Variants in AANAT observed in about 807,000 individuals in gnomAD.
AANAT encodes serotonin N-acetyltransferase.
Under a neutral mutation model 15.6 loss-of-function variants are expected in AANAT, and 11 were observed. The ratio of observed to expected loss-of-function variants is 0.71; its 90% CI spans 0.44 to 1.17. The LOEUF (loss-of-function observed/expected upper bound fraction) is 1.17, where lower values mean the gene tolerates loss of function less well. Ranked by LOEUF, AANAT falls within the 50% of genes most tolerant of loss-of-function variation. The probability of loss-of-function intolerance (pLI) is 0.00; values close to 1 mark genes in which losing one functional copy is unlikely to be tolerated. For missense variants in AANAT, 286 were observed against 296.3 expected (o/e 0.97, Z 0.26); for synonymous variants, 139 against 131.5 (o/e 1.06, Z -0.39).
chr17:76,462,017 G>A (rs1386241294), intron 2 of AANAT, among the ~76,000 whole-genome samples: 1 of 152,150 alleles, frequency 6.6e-6, no homozygotes, highest in African/African-American at 2.4e-5. Context: ...TCCTTCCTTG[G>A]GGACAATGCC....
upstream of AANAT, among the ~76,000 whole-genome samples, chr17:76,462,665 C>T (rs901894825): frequency 1.3e-5 from 2 of 152,138 alleles, no homozygotes; most frequent in Admixed American, 6.5e-5. Flanking sequence ...TCTCATCCCC[C>T]GGGGAGCCTG....
Position 76,469,904 on chromosome 17 carries a change from C to T in AANAT, c.558C>T (p.Leu186=), listed in dbSNP as rs1598642371. 1 of 1,571,810 alleles carries T rather than the reference C, an allele frequency of 6.4e-7. No individual in the cohort carries two copies. Among genetic ancestry groups the T allele is most frequent in the African/African-American group, 1.3e-5 (1 of 74,200 alleles). ...VGPCAITVGS[L]TFMELHCSLR... ...CCTGCGCCATCACCGTGGGCTCCCT[C>T]ACCTTCATGGAGCTCCACTGCTCCC... Residue 186 remains leucine (L), a synonymous_variant, in exon 4 of 4, where the codon CTC becomes CTT. Coordinates refer to ENST00000392492, the MANE Select transcript of AANAT (RefSeq NM_001088.3). This position sits in a 1 kb window ranked among gnomAD's most constrained non-coding sequence, Gnocchi z 5.2.
Position 76,469,233 on chromosome 17 carries a change from C to T in AANAT, c.224C>T (p.Thr75Ile), listed in dbSNP as rs749859006. The change falls in exon 3 of 4, where the codon ACC becomes ATC. Residue 75 changes from threonine to isoleucine, a missense_variant. Physicochemically the swap from Thr to Ile is moderately conservative, Grantham distance 89 (BLOSUM62 -1). Coordinates refer to ENST00000392492, the MANE Select transcript of AANAT (RefSeq NM_001088.3). The surrounding 1 kb of genome is among the most constrained non-coding windows in gnomAD (Gnocchi z 5.2). Reference protein sequence around the residue: ...LYLDEIRHFLTLCPELSLGWF... With the variant: ...LYLDEIRHFLILCPELSLGWF... Reference sequence around the variant, plus strand: ...CTGGATGAGATCCGGCACTTCCTGACCCTATGTCCAGAGCTGTCCCTGGGC... The same window carrying T: ...CTGGATGAGATCCGGCACTTCCTGATCCTATGTCCAGAGCTGTCCCTGGGC... The T allele has an allele frequency of 3.1e-6, 5 of 1,614,092 alleles. No homozygotes were observed. The highest frequency in any genetic ancestry group is 8.5e-7 in the Non-Finnish European group (1 of 1,180,048).
chr17:76,457,830 A>G (rs1352092128), intron 1 of AANAT, among the ~76,000 whole-genome samples: 5 of 152,228 alleles, frequency 3.3e-5, no homozygotes, highest in Non-Finnish European at 5.9e-5. Flanking sequence ...ACCTGAGGTC[A>G]GGAGCTTGAG....
intron 2 of AANAT, among the ~76,000 whole-genome samples, chr17:76,459,965 G>T (rs541310860): frequency 2.0e-5 from 3 of 152,004 alleles, no homozygotes; most frequent in Non-Finnish European, 4.4e-5. Flanking sequence ...ATGCAAGCAC[G>T]GTCATTGGAC....
At chr17:76,463,603 C>T (rs533803186), upstream of AANAT, among the ~76,000 whole-genome samples, 20 of 152,132 alleles carry the variant, frequency 1.3e-4, no homozygotes, top group East Asian at 1.9e-3. Context: ...CCACCGTGCC[C>T]GGCCTTTTCT....
rs1227769332 is a variant in AANAT at position 76,469,434 on chromosome 17, T to G, written c.318+107T>G. ...GGGCTGGGATTTCTTCCTCCAGAAC[T>G]GGAGAGATGAGTACAGGCCACAGGC... is the stretch of plus-strand genomic sequence containing the variant. On this transcript the variant is annotated intron_variant, in intron 3 of 3. Coordinates refer to ENST00000392492, the MANE Select transcript of AANAT (RefSeq NM_001088.3). The surrounding 1 kb of genome is among the most constrained non-coding windows in gnomAD (Gnocchi z 5.2). 1 of 1,483,100 alleles carries G rather than the reference T, an allele frequency of 6.7e-7. No individual in the cohort carries two copies. The highest frequency in any genetic ancestry group is 2.3e-5 in the East Asian group (1 of 44,256). 91.9% of individuals were successfully genotyped at this position (1,483,100 alleles called of 1,614,324 possible). A position where few individuals can be genotyped will look rare whatever the true frequency, so the allele number is the denominator to read the frequency against.
At chr17:76,463,030 G>A (rs977175781), upstream of AANAT, among the ~76,000 whole-genome samples, 9 of 152,174 alleles carry the variant, frequency 5.9e-5, no homozygotes, top group African/African-American at 1.7e-4. Context: ...GTCTCCATGC[G>A]GGAAGCTCCC....
chr17:76,470,038 A>G lies in AANAT; in HGVS notation c.*68A>G. On this transcript the variant is annotated 3_prime_UTR_variant, in exon 4 of 4. Coordinates refer to ENST00000392492, the MANE Select transcript of AANAT (RefSeq NM_001088.3). ...CCCTGGGCTCCTCTTAGCTCAGCTG[A>G]GCATGGAGACAGCAGTTTCCAGAGA... 1 of 1,399,352 alleles carries G rather than the reference A, an allele frequency of 7.1e-7. No individual in the cohort carries two copies. The highest frequency in any genetic ancestry group is 9.4e-7 in the Non-Finnish European group (1 of 1,061,490). The allele number at this position is 1,399,352 out of a possible 1,614,324, so 86.7% of individuals were successfully genotyped here.
intron 1 of AANAT, 66 bp from the exon 2 acceptor site, chr17:76,468,606 C>A: frequency 7.2e-7 from 1 of 1,396,682 alleles, no homozygotes; most frequent in Non-Finnish European, 9.6e-7. Context: ...AGGCCAGATA[C>A]ATACTCTGGG....
chr17:76,456,621 G>A (rs957209626), intron 1 of AANAT, among the ~76,000 whole-genome samples: 12 of 152,096 alleles, frequency 7.9e-5, no homozygotes, highest in African/African-American at 2.4e-4. Flanking sequence ...CTGTAAGGAC[G>A]CAGGTCCCTA....
In AANAT at chr17:76,469,476, CCTT is replaced by C. The variant is rs2073489452; in HGVS notation, c.318+152_318+154del. The C allele has an allele frequency of 1.1e-5, 14 of 1,273,854 alleles. No individual in the cohort carries two copies. The highest frequency in any genetic ancestry group is 1.5e-5 in the Non-Finnish European group (14 of 936,526). The allele number at this position is 1,273,854 out of a possible 1,614,324, so 78.9% of individuals were successfully genotyped here. ...GCCACAGGCCCCTCCCAGAGCAAGACCTTCTGGGTCTTCAAGTTTTCTCCATGG... is the reference window on the plus strand; with the variant it reads ...GCCACAGGCCCCTCCCAGAGCAAGACCTGGGTCTTCAAGTTTTCTCCATGG... On this transcript the variant is annotated intron_variant, in intron 3 of 3. Transcript: ENST00000392492. This position sits in a 1 kb window ranked among gnomAD's most constrained non-coding sequence, Gnocchi z 5.2.
chr17:76,468,831 C>G lies in AANAT; in HGVS notation c.85C>G (p.Arg29Gly). 6.2e-7 allele frequency: 1 copy of G among 1,613,558 alleles called. No homozygotes were observed. Among genetic ancestry groups the G allele is most frequent in the Non-Finnish European group, 8.5e-7 (1 of 1,180,006 alleles). The stretch of plus-strand genomic sequence containing the variant: ...CCCCGAGTCCCCGAGCTGTCAGCGG[C>G]GCCACACACTCCCTGCCAGTGAGTT... Reference protein sequence around the residue: ...GIPESPSCQRRHTLPASEFRC... With the variant: ...GIPESPSCQRGHTLPASEFRC... Residue 29 changes from arginine to glycine, a missense_variant, in exon 2 of 4, where the codon CGC becomes GGC. Physicochemically the swap from Arg to Gly is moderately radical, Grantham distance 125. Transcript: ENST00000392492.
upstream of AANAT, chr17:76,465,772 CCT>C (rs1326935816): frequency 1.3e-4 from 33 of 258,534 alleles, no homozygotes; most frequent in South Asian, 5.7e-4. Flanking sequence ...CCTGCCCTCC[CCT>C]GTCTCCTCTC....
chr17:76,467,503 C>T (rs1230311213), upstream of AANAT: 7 of 980,318 alleles, frequency 7.1e-6, no homozygotes, highest in Admixed American at 6.1e-5. Flanking sequence ...AGGCAGGGGC[C>T]GAGGCTGCCA....
upstream of AANAT, chr17:76,465,797 G>T: frequency 3.5e-6 from 1 of 282,102 alleles, no homozygotes; most frequent in Non-Finnish European, 7.0e-6. Flanking sequence ...GTCCCACAAG[G>T]GTTTGAACTT....
chr17:76,469,711 A>G lies in AANAT; in HGVS notation c.365A>G (p.His122Arg), dbSNP rs767271473. ...TCTGGGGGCCACATAGCCCACCTGC[A>G]TGTGCTGGCCGTGCACCGCGCCTTC... The part of the protein sequence containing the change: ...HRSGGHIAHL[H>R]VLAVHRAFRQ... Residue 122 changes from histidine to arginine, a missense_variant, in exon 4 of 4, where the codon CAT becomes CGT. Transcript: ENST00000392492. The surrounding 1 kb of genome is among the most constrained non-coding windows in gnomAD (Gnocchi z 5.2). 2 of 1,537,642 alleles carry G rather than the reference A, an allele frequency of 1.3e-6. No homozygotes were observed. Among genetic ancestry groups the G allele is most frequent in the East Asian group, 4.6e-5 (2 of 43,260 alleles).
intron 1 of AANAT, among the ~76,000 whole-genome samples, chr17:76,456,668 A>C (rs1000264570): frequency 6.6e-6 from 1 of 152,208 alleles, no homozygotes; most frequent in South Asian, 2.1e-4. Context: ...ATTAAACAGC[A>C]GTAACATAGT....
chr17:76,458,255 C>A (rs1280154896), intron 1 of AANAT, among the ~76,000 whole-genome samples: 1 of 152,124 alleles, frequency 6.6e-6, no homozygotes, highest in Non-Finnish European at 1.5e-5. Context: ...TCCTACCCAT[C>A]CGATGGTGTC....
Sources: gnomAD v4.1 joint callset for allele counts (sites outside exome capture counted in the v4.1 genomes callset) on GRCh38, gnomAD v4.1.1 for gene constraint, Gnocchi (gnomAD v3.1) non-coding constraint, MANE v1.5 for transcripts, NCBI Gene and HGNC (gene_info 2026-07-23, HGNC 2026-07-21) for gene names.